CELSR2: variants seen among roughly 807,000 people sequenced by gnomAD.
The protein encoded by CELSR2 is cadherin EGF LAG seven-pass G-type receptor 2.
Under a neutral mutation model 251.6 loss-of-function variants are expected in CELSR2, and 81 were observed. That is an observed-to-expected ratio of 0.32 (90% confidence interval 0.27 to 0.39). CELSR2 has a LOEUF of 0.39. CELSR2 is among the 10% of genes least tolerant of loss of function. CELSR2 has a pLI of 1.00. For missense variants in CELSR2, 3,365 were observed against 3,947.7 expected, an observed-to-expected ratio of 0.85 and a Z score of 3.96; for synonymous variants, 1,721 against 1,670.5, an observed-to-expected ratio of 1.03 and a Z score of -0.74.
In CELSR2 at chr1:109,252,713, G is replaced by C; in HGVS notation, c.2634G>C (p.Arg878Ser). 6.2e-7 allele frequency: 1 copy of C among 1,614,056 alleles called. No homozygotes were observed. Among genetic ancestry groups the C allele is most frequent in the Middle Eastern group, 1.6e-4 (1 of 6,062 alleles). Residue 878 changes from arginine to serine, a missense_variant, in exon 1 of 34, where the codon AGG becomes AGC. Physicochemically the swap from Arg to Ser is moderately radical, Grantham distance 110. Coordinates refer to ENST00000271332, the MANE Select transcript of CELSR2 (RefSeq NM_001408.3). This position sits in a 1 kb window ranked among gnomAD's most constrained non-coding sequence, Gnocchi z 4.8. ...STSGIVRTLR[R>S]LDRENVAQYV... ...CAGGCATCGTGCGAACGCTACGGAG[G>C]CTGGATCGAGAGAACGTGGCCCAGT...
At chr1:109,271,114 C>T (rs1481431714) in intron 25 of CELSR2, 75 bp downstream of exon 25, 2 of 1,518,248 alleles carry the variant, frequency 1.3e-6, no homozygotes, top group South Asian at 1.1e-5. Flanking sequence ...GGCCGCGTGT[C>T]CTCAGGACTC....
rs774188651 is a variant in CELSR2 at position 109,253,421 on chromosome 1, G to A, written c.3310+32G>A. On this transcript the variant is annotated intron_variant, in intron 1 of 33. Coordinates refer to ENST00000271332, the MANE Select transcript of CELSR2 (RefSeq NM_001408.3). ...AAGGGCCCAGGTGGCGCTGGGGTGGGGGTAGCTCGCGGGGATGGTCTGGGC... is the reference window on the plus strand; with the variant it reads ...AAGGGCCCAGGTGGCGCTGGGGTGGAGGTAGCTCGCGGGGATGGTCTGGGC... 1.1e-5 allele frequency: 17 copies of A among 1,594,670 alleles called. No individual in the cohort carries two copies. In the Admixed American group the frequency reaches 2.4e-4, roughly 22 times the overall value.
At position 109,261,677 on chromosome 1, in the gene CELSR2, T is replaced by A; in HGVS notation, c.4297+49T>A. 6.3e-7 allele frequency: 1 copy of A among 1,579,018 alleles called. No homozygotes were observed. The highest frequency in any genetic ancestry group is 8.7e-7 in the Non-Finnish European group (1 of 1,148,588). On this transcript the variant is annotated intron_variant, in intron 4 of 33. Coordinates refer to ENST00000271332, the MANE Select transcript of CELSR2 (RefSeq NM_001408.3). This position sits in a 1 kb window ranked among gnomAD's most constrained non-coding sequence, Gnocchi z 4.8. ...TTGCCCATCTTCCAAAGGCCCCAAG[T>A]CTTCCAGCCCCTGACCCCAAGCCAC...
intron 7 of CELSR2, 79 bp from the exon 8 acceptor site, chr1:109,263,063 G>C: frequency 6.3e-7 from 1 of 1,581,534 alleles, no homozygotes; most frequent in South Asian, 1.1e-5. Flanking sequence ...GGGTCTCAGA[G>C]GCCTCTCTAA....
Position 109,263,792 on chromosome 1 carries a change from G to T in CELSR2, c.5001+15G>T, listed in dbSNP as rs773809283. ...TCACCCTACAGGTGATGCATGGAAG[G>T]GCGGCTGGCCCTGGCCTGGCCATAG... is the stretch of plus-strand genomic sequence containing the variant. On this transcript the variant is annotated intron_variant, in intron 9 of 33. Transcript: ENST00000271332. The T allele has an allele frequency of 6.8e-6, 11 of 1,610,464 alleles. No homozygotes were observed. Among genetic ancestry groups the T allele is most frequent in the Non-Finnish European group, 9.3e-6 (11 of 1,178,962 alleles).
Position 109,274,068 on chromosome 1 carries a change from A to T in CELSR2, c.*19A>T. On this transcript the variant is annotated 3_prime_UTR_variant, in exon 34 of 34. Coordinates refer to ENST00000271332, the MANE Select transcript of CELSR2 (RefSeq NM_001408.3). Reference sequence around the variant, plus strand: ...GCATTAACCCTGGGCCGTGGTTCCTACGCCCGAGGCTCCCTTCCCTTCCCC... The same window carrying T: ...GCATTAACCCTGGGCCGTGGTTCCTTCGCCCGAGGCTCCCTTCCCTTCCCC... 6.2e-7 allele frequency: 1 copy of T among 1,613,724 alleles called. No homozygotes were observed. Among genetic ancestry groups the T allele is most frequent in the Non-Finnish European group, 8.5e-7 (1 of 1,179,926 alleles).
chr1:109,251,695 G>T lies in CELSR2; in HGVS notation c.1616G>T (p.Arg539Leu). The stretch of plus-strand genomic sequence containing the variant: ...GACGCTGATGCTGGTGACAATGCCC[G>T]CCTGGAATACCGCCTTGCTGGGGTG... ...AIDADAGDNA[R>L]LEYRLAGVGH... is the part of the protein sequence containing the mutation. The change falls in exon 1 of 34, where the codon CGC becomes CTC. Residue 539 changes from arginine to leucine, a missense_variant. Coordinates refer to ENST00000271332, the MANE Select transcript of CELSR2 (RefSeq NM_001408.3). This position sits in a 1 kb window ranked among gnomAD's most constrained non-coding sequence, Gnocchi z 4.9. The T allele has an allele frequency of 6.2e-7, 1 of 1,614,064 alleles. No homozygotes were observed. The highest frequency in any genetic ancestry group is 1.1e-5 in the South Asian group (1 of 91,078).
Position 109,269,560 on chromosome 1 carries a change from C to A in CELSR2, c.6949C>A (p.Pro2317Thr). The A allele has an allele frequency of 6.2e-7, 1 of 1,614,110 alleles. No individual in the cohort carries two copies. The highest frequency in any genetic ancestry group is 8.5e-7 in the Non-Finnish European group (1 of 1,180,028). ...RLLETEERTK[P>T]ICVFWNHSIL... The stretch of plus-strand genomic sequence containing the variant: ...GCTGGAGACAGAGGAGCGGACCAAG[C>A]CCATCTGTGTCTTCTGGAACCATTC... The change falls in exon 21 of 34, where the codon CCC (proline) becomes ACC (threonine). Residue 2317 changes from proline (P) to threonine (T), a missense_variant. Around this residue, in one of 5 missense-constraint regions of CELSR2, gnomAD observed 2,093 missense variants for 2,382.8 expected, o/e 0.88. Transcript: ENST00000271332. This position sits in a 1 kb window ranked among gnomAD's most constrained non-coding sequence, Gnocchi z 6.4.
At chr1:109,267,781 T>C in intron 16 of CELSR2, 70 bp from the exon 17 acceptor site, 11 of 1,575,358 alleles carry the variant, frequency 7.0e-6, no homozygotes, top group Non-Finnish European at 9.5e-6. Flanking sequence ...AGGCCGTCTC[T>C]CACCTCCTGA....
At position 109,263,155 on chromosome 1, in the gene CELSR2, G is replaced by A. The variant is rs765820450; in HGVS notation, c.4722G>A (p.Lys1574=). The A allele has an allele frequency of 6.3e-6, 10 of 1,597,958 alleles. No individual in the cohort carries two copies. The highest frequency in any genetic ancestry group is 8.6e-6 in the Non-Finnish European group (10 of 1,166,898). The change falls in exon 8 of 34, where the codon AAG becomes AAA. Residue 1574 remains lysine, a synonymous_variant. Transcript: ENST00000271332. ...NNGTVPGCPA[K]KNVCDSNTCH... is the part of the protein sequence containing the mutation. ...TCTCCATTCCAGGCTGCCCTGCCAA[G>A]AAGAACGTGTGTGACAGCAACACTT...
In CELSR2 at chr1:109,249,561, G is replaced by A. The variant is rs1041438807; in HGVS notation, c.-519G>A. On this transcript the variant is annotated 5_prime_UTR_variant, in exon 1 of 34. Transcript: ENST00000271332. The stretch of plus-strand genomic sequence containing the variant: ...TCTGCAGAGCTCGCCCGCCCGCCGG[G>A]GAGGCGAGGGAGCGCGGGGCTGGGC... 2.0e-5 allele frequency among the ~76,000 whole-genome samples: 3 copies of A among 150,522 alleles called. No individual in the cohort carries two copies. Among genetic ancestry groups the A allele is most frequent in the African/African-American group, 7.3e-5 (3 of 41,242 alleles).
In CELSR2 at chr1:109,272,418, G is replaced by T. The variant is rs1449798194; in HGVS notation, c.8054+13G>T. 2.5e-6 allele frequency: 4 copies of T among 1,601,666 alleles called. No individual in the cohort carries two copies. The Admixed American group carries it at 6.7e-5, about 27-fold the overall frequency. On this transcript the variant is annotated intron_variant, in intron 29 of 33. Coordinates refer to ENST00000271332, the MANE Select transcript of CELSR2 (RefSeq NM_001408.3). ...CCTTCTTGCTGAGGTGAATCCCGGA[G>T]ATGGGAGGGTGGAGGAGGGGAGGAG...
At chr1:109,253,444 G>A in intron 1 of CELSR2, 55 bp downstream of exon 1, 1 of 1,550,038 alleles carries the variant, frequency 6.5e-7, no homozygotes, top group Non-Finnish European at 8.7e-7. Context: ...GGATGGTCTG[G>A]GCAGCCACTG....
At chr1:109,254,193 C>T (rs889837932) in intron 1 of CELSR2, among the ~76,000 whole-genome samples, 5 of 152,230 alleles carry the variant, frequency 3.3e-5, no homozygotes, top group African/African-American at 1.2e-4. Context: ...TCCTTTCCTG[C>T]TAGCTGTGAC....
chr1:109,260,167 T>G (rs1655978099), intron 2 of CELSR2, among the ~76,000 whole-genome samples: 4 of 6,552 alleles, frequency 6.1e-4, no homozygotes, highest in East Asian at 4.1e-3. Flanking sequence ...TCCAGGAGGA[T>G]GGTGGGGGGG....
chr1:109,251,416 A>T lies in CELSR2; in HGVS notation c.1337A>T (p.Gln446Leu), dbSNP rs373714726. 3 of 1,613,854 alleles carry T rather than the reference A, an allele frequency of 1.9e-6. No individual in the cohort carries two copies. The highest frequency in any genetic ancestry group is 2.5e-6 in the Non-Finnish European group (3 of 1,180,038). The change falls in exon 1 of 34, where the codon CAG becomes CTG. Residue 446 changes from glutamine to leucine, a missense_variant. Gln to Leu is a moderately radical substitution (Grantham distance 113, BLOSUM62 -2). Around this residue, in one of 5 missense-constraint regions of CELSR2, gnomAD observed 704 missense variants for 784.1 expected, o/e 0.90. Transcript: ENST00000271332. This position sits in a 1 kb window ranked among gnomAD's most constrained non-coding sequence, Gnocchi z 4.9. Reference protein sequence around the residue: ...YSIMSGNARGQFYLDAQTGAL... With the variant: ...YSIMSGNARGLFYLDAQTGAL... ...ATCATGAGTGGCAATGCTCGGGGAC[A>T]GTTTTATCTGGATGCCCAGACTGGA... is the stretch of plus-strand genomic sequence containing the variant.
In CELSR2 at chr1:109,264,434, AC is replaced by A. The variant is rs747835981; in HGVS notation, c.5290-19del. 1.9e-6 allele frequency: 3 copies of A among 1,605,712 alleles called. No individual in the cohort carries two copies. The highest frequency in any genetic ancestry group is 2.6e-6 in the Non-Finnish European group (3 of 1,173,584). On this transcript the variant is annotated intron_variant, in intron 10 of 33. Transcript: ENST00000271332. ...GCAGCCCCGCTCCACTGAGGGCAAC[AC>A]TGCTCCTGTCCCTCCCAGGGTGTGC...
rs1026993267 is a variant in CELSR2 at position 109,261,353 on chromosome 1, G to A, written c.4181+89G>A. ...TGTGGTTGAAGTAAGAGGTCAGGCA[G>A]TGAAAGCGTGGAGCAGGCTGCCGGC... On this transcript the variant is annotated intron_variant, in intron 3 of 33. Coordinates refer to ENST00000271332, the MANE Select transcript of CELSR2 (RefSeq NM_001408.3). The surrounding 1 kb of genome is among the most constrained non-coding windows in gnomAD (Gnocchi z 4.8). 87 of 1,431,448 alleles carry A rather than the reference G, an allele frequency of 6.1e-5. No individual in the cohort carries two copies. The African/African-American group carries it at 1.1e-3, about 18-fold the overall frequency. 88.7% of individuals were successfully genotyped at this position (1,431,448 alleles called of 1,614,324 possible).
chr1:109,262,696 C>T, intron 6 of CELSR2, 110 bp from the exon 7 acceptor site: 1 of 1,531,132 alleles, frequency 6.5e-7, no homozygotes, highest in Non-Finnish European at 8.8e-7. Flanking sequence ...TCTGCAGGGC[C>T]TCTTGGACAC....
Sources: gnomAD v4.1 joint callset for allele counts (sites outside exome capture counted in the v4.1 genomes callset) on GRCh38, gnomAD v4.1.1 for gene constraint, gnomAD v4.1.1 regional missense constraint, Gnocchi (gnomAD v3.1) non-coding constraint, MANE v1.5 for transcripts, NCBI Gene and HGNC (gene_info 2026-07-23, HGNC 2026-07-21) for gene names.